The following CIZ1 variants were observed in gnomAD, a reference collection of about 807,000 sequenced individuals.
CIZ1 encodes CDKN1A interacting zinc finger protein 1.
In CIZ1, 58 loss-of-function variants were observed where a neutral mutation model predicts 118.6. The ratio of observed to expected loss-of-function variants is 0.49; its 90% CI spans 0.40 to 0.61. The LOEUF (loss-of-function observed/expected upper bound fraction) is 0.61, where lower values mean the gene tolerates loss of function less well. Among genes scored for constraint, CIZ1 ranks in the 20% least tolerant of loss-of-function variants. The pLI is 0.00. For missense variants in CIZ1, 921 were observed against 1,115.9 expected (o/e 0.83, Z 2.49); for synonymous variants, 448 against 443.4 (o/e 1.01, Z -0.13).
intron 7 of CIZ1, among the ~76,000 whole-genome samples, chr9:128,179,918 C>T (rs1345476241): frequency 1.3e-5 from 2 of 151,980 alleles, no homozygotes; most frequent in Non-Finnish European, 2.9e-5. Context: ...GTGATCCGCC[C>T]GCCTCAGCCT....
rs1287135603 is a variant in CIZ1, at chr9:128,166,203, T to G, written c.2691A>C (p.Lys897Asn). The G allele has an allele frequency of 3.4e-6, 5 of 1,487,230 alleles. No individual in the cohort carries two copies. Among genetic ancestry groups the G allele is most frequent in the Non-Finnish European group, 4.5e-6 (5 of 1,110,958 alleles). The allele number at this position is 1,487,230 out of a possible 1,614,324, so 92.1% of individuals were successfully genotyped here. A position where few individuals can be genotyped will look rare whatever the true frequency, so the allele number is the denominator to read the frequency against. ...PPLPRRSTRL[K>N]T is the part of the protein sequence containing the mutation. ...GGACAGGGAGGTCCCTCTATCAGGT[T>G]TTGAGGCGGGTTGAGCGCCGAGGTA... Residue 897 changes from lysine (K) to asparagine (N), a missense_variant, in exon 17 of 17, where the codon AAA becomes AAC. Lys to Asn is a moderately conservative substitution (Grantham distance 94, BLOSUM62 0). Transcript: ENST00000372938. The surrounding 1 kb of genome is among the most constrained non-coding windows in gnomAD (Gnocchi z 4.4).
intron 3 of CIZ1, among the ~76,000 whole-genome samples, chr9:128,188,615 G>C (rs1214241120): frequency 1.3e-5 from 2 of 151,694 alleles, no homozygotes; most frequent in African/African-American, 4.8e-5. Flanking sequence ...ACCTGGCCAA[G>C]AGTGTGAGTT....
rs541942261 is a variant in CIZ1 at position 128,203,723 on chromosome 9, C to T, written c.-6+463G>A. 88 of 1,212,446 alleles carry T rather than the reference C, an allele frequency of 7.3e-5. No individual in the cohort carries two copies. In the African/African-American group the frequency reaches 1.4e-3, roughly 19 times the overall value. 75.1% of individuals were successfully genotyped at this position (1,212,446 alleles called of 1,614,324 possible). ...CACTGACGGCGCGGCGACCTCGCAG[C>T]CCCCGACGCTGCACCCGCGGCCGGC... On this transcript the variant is annotated intron_variant, in intron 1 of 17. Transcript: ENST00000372948. This position sits in a 1 kb window ranked among gnomAD's most constrained non-coding sequence, Gnocchi z 5.3.
At chr9:128,184,909 A>G (rs1832155657) in intron 5 of CIZ1, among the ~76,000 whole-genome samples, 1 of 152,010 alleles carries the variant, frequency 6.6e-6, no homozygotes, top group Admixed American at 6.6e-5. Context: ...ACCTCAGGTG[A>G]TCCACCCACC....
chr9:128,190,601 A>G, intron 2 of CIZ1, 87 bp downstream of exon 2: 4 of 1,479,484 alleles, frequency 2.7e-6, no homozygotes, highest in Non-Finnish European at 3.6e-6. Flanking sequence ...CGGGGATGGC[A>G]CTGGGAAAAA....
upstream of CIZ1, among the ~76,000 whole-genome samples, chr9:128,193,707 T>A (rs1053968515): frequency 6.6e-6 from 1 of 151,550 alleles, no homozygotes; most frequent in Non-Finnish European, 1.5e-5. Flanking sequence ...GAGACTCCAT[T>A]TTAAAAAATA....
At chr9:128,185,025 T>A (rs1832171204) in intron 5 of CIZ1, among the ~76,000 whole-genome samples, 1 of 152,142 alleles carries the variant, frequency 6.6e-6, no homozygotes, top group Non-Finnish European at 1.5e-5. Context: ...ACGCCTGTAA[T>A]CCCAGCACTT....
chr9:128,180,956 T>C, intron 5 of CIZ1, 142 bp from the exon 6 acceptor site: 1 of 650,516 alleles, frequency 1.5e-6, no homozygotes. Context: ...AGTTGCCGAG[T>C]GGATGATCTT....
chr9:128,175,583 C>G (rs1182390384), intron 11 of CIZ1, among the ~76,000 whole-genome samples: 1 of 152,212 alleles, frequency 6.6e-6, no homozygotes, highest in East Asian at 1.9e-4. Flanking sequence ...CCCGTGACCA[C>G]TGACTCAAGG....
intron 5 of CIZ1, 78 bp from the exon 6 acceptor site, chr9:128,180,892 C>T: frequency 9.3e-7 from 1 of 1,074,548 alleles, no homozygotes; most frequent in East Asian, 2.4e-5. Context: ...CAGCTGCCCC[C>T]CATCCTCCAG....
rs535400848 is a variant in CIZ1, at chr9:128,191,144, C to A, written c.-5-282G>T. On this transcript the variant is annotated intron_variant, in intron 1 of 16. Coordinates refer to ENST00000372938, the MANE Select transcript of CIZ1 (RefSeq NM_001131016.2). The surrounding 1 kb of genome is among the most constrained non-coding windows in gnomAD (Gnocchi z 5.5). ...AGTCCCTCCATCTCTCCATTTCTGGCGGCTCCATCCTCCCACCCTCAGCCT... is the reference window on the plus strand; with the variant it reads ...AGTCCCTCCATCTCTCCATTTCTGGAGGCTCCATCCTCCCACCCTCAGCCT... The A allele has an allele frequency of 3.9e-6, 2 of 510,502 alleles. No homozygotes were observed. Among genetic ancestry groups the A allele is most frequent in the East Asian group, 3.3e-5 (1 of 30,102 alleles). 31.6% of individuals were successfully genotyped at this position (510,502 alleles called of 1,614,324 possible). A position where few individuals can be genotyped will look rare whatever the true frequency, so the allele number is the denominator to read the frequency against.
chr9:128,191,717 C>T (rs1452507132), upstream of CIZ1: 1 of 1,335,042 alleles, frequency 7.5e-7, no homozygotes, highest in Non-Finnish European at 9.6e-7. The surrounding 1 kb of genome is among the most constrained non-coding windows in gnomAD (Gnocchi z 5.5). Context: ...CGAGGGGGTC[C>T]TGGGCGGCTC....
At chr9:128,169,771 G>T in intron 12 of CIZ1, 1 of 1,465,228 alleles carries the variant, frequency 6.8e-7, no homozygotes, top group Non-Finnish European at 9.2e-7. Context: ...AGAGAGGGCA[G>T]CTGCCCAAAT....
Position 128,177,238 on chromosome 9 carries a change from C to T in CIZ1, c.1818+328G>A, listed in dbSNP as rs561990637. ...GAGGAAACAGGCACAGGGTGGAATT[C>T]GCTTTCCAAGGTCTCCCAGCTACTC... is the stretch of plus-strand genomic sequence containing the variant. On this transcript the variant is annotated intron_variant, in intron 10 of 16. Coordinates refer to ENST00000372938, the MANE Select transcript of CIZ1 (RefSeq NM_001131016.2). Among the ~76,000 whole-genome samples the T allele has an allele frequency of 3.3e-5, 5 of 152,202 alleles. No individual in the cohort carries two copies. The South Asian group carries it at 6.2e-4, about 19-fold the overall frequency.
chr9:128,200,337 A>G (rs1317778721), intron 1 of CIZ1, among the ~76,000 whole-genome samples: 1 of 152,024 alleles, frequency 6.6e-6, no homozygotes, highest in African/African-American at 2.4e-5. Context: ...ATAAGTTTCA[A>G]TATTGTAATT....
At chr9:128,178,659 G>A (rs1364761211) in intron 8 of CIZ1, 50 bp downstream of exon 8, 2 of 1,590,852 alleles carry the variant, frequency 1.3e-6, no homozygotes, top group African/African-American at 2.7e-5. Flanking sequence ...TGAAGGGTCT[G>A]GGCAGAGCTG....
intron 6 of CIZ1, 30 bp from the exon 7 acceptor site, chr9:128,180,553 A>C: frequency 1.3e-6 from 2 of 1,584,214 alleles, no homozygotes; most frequent in Non-Finnish European, 1.7e-6. Context: ...GAGGGAACTC[A>C]TGTTGGGAAG....
chr9:128,166,367 G>A lies in CIZ1; in HGVS notation c.2527C>T (p.Pro843Ser), dbSNP rs779500279. 1.3e-6 allele frequency: 2 copies of A among 1,559,028 alleles called. No individual in the cohort carries two copies. Among genetic ancestry groups the A allele is most frequent in the East Asian group, 2.4e-5 (1 of 41,842 alleles). ...TTGATTGCGCACCGGCGGCTCACAGGTCGGGTGGTGGGGCTGGGGTTCTTG... is the reference window on the plus strand; with the variant it reads ...TTGATTGCGCACCGGCGGCTCACAGATCGGGTGGTGGGGCTGGGGTTCTTG... Reference protein sequence around the residue: ...AAKNPSPTTRPVSRRCAINAR... With the variant: ...AAKNPSPTTRSVSRRCAINAR... Residue 843 changes from proline (P) to serine (S), a missense_variant, in exon 17 of 17, where the codon CCT (proline) becomes TCT (serine). Coordinates refer to ENST00000372938, the MANE Select transcript of CIZ1 (RefSeq NM_001131016.2). This position sits in a 1 kb window ranked among gnomAD's most constrained non-coding sequence, Gnocchi z 4.4.
chr9:128,187,618 G>A (rs1832542496), intron 4 of CIZ1, among the ~76,000 whole-genome samples: 1 of 152,130 alleles, frequency 6.6e-6, no homozygotes, highest in Non-Finnish European at 1.5e-5. Context: ...ATACACATAT[G>A]TGCAGAGAGC....
Sources: gnomAD v4.1 joint callset for allele counts (sites outside exome capture counted in the v4.1 genomes callset) on GRCh38, gnomAD v4.1.1 for gene constraint, Gnocchi (gnomAD v3.1) non-coding constraint, MANE v1.5 for transcripts, NCBI Gene and HGNC (gene_info 2026-07-23, HGNC 2026-07-21) for gene names.